Variants in KCTD16 observed in about 807,000 individuals in gnomAD.
KCTD16 encodes the protein BTB/POZ domain-containing protein KCTD16.
A neutral mutation model predicts 33.2 loss-of-function variants in KCTD16; 13 were observed. The ratio of observed to expected loss-of-function variants is 0.39; its 90% CI spans 0.25 to 0.62. The LOEUF is 0.62. KCTD16 is among the 20% of genes least tolerant of loss of function. KCTD16 has a pLI of 0.50. For synonymous variants in KCTD16, 197 were observed against 195.3 expected, an observed-to-expected ratio of 1.01 and a Z score of -0.07; for missense variants, 441 against 525.1, an observed-to-expected ratio of 0.84 and a Z score of 1.57.
intron 3 of KCTD16, among the ~76,000 whole-genome samples, chr5:144,342,911 G>A (rs1397899794): frequency 6.6e-6 from 1 of 152,182 alleles, no homozygotes; most frequent in Non-Finnish European, 1.5e-5. Context: ...AACCAGCCTT[G>A]CATCCCAGGG....
chr5:144,439,947 T>C (rs1186119243), intron 3 of KCTD16, among the ~76,000 whole-genome samples: 3 of 145,018 alleles, frequency 2.1e-5, no homozygotes, highest in Admixed American at 2.0e-4. Context: ...GTTTTCATAA[T>C]CTAAAAAAAA....
chr5:144,321,138 A>C (rs543190434), intron 3 of KCTD16, among the ~76,000 whole-genome samples: 63 of 152,322 alleles, frequency 4.1e-4, no homozygotes, highest in African/African-American at 1.3e-3. Flanking sequence ...TACAGGCATG[A>C]GCCACCATGC....
At position 144,420,910 on chromosome 5, in the gene KCTD16, C is replaced by T. The variant is rs147908665; in HGVS notation, c.833-52750C>T. Among the ~76,000 whole-genome samples, 868 of 152,256 alleles carry T rather than the reference C, an allele frequency of 5.7e-3. 3 individuals are homozygous for T. The highest frequency in any genetic ancestry group is 9.5e-3 in the Non-Finnish European group (647 of 68,008). Reference sequence around the variant, plus strand: ...GATTGCCCTCCGAATGTGAATTTCACGCTTGATGAAAGTCATCTCAAAGCC... The same window carrying T: ...GATTGCCCTCCGAATGTGAATTTCATGCTTGATGAAAGTCATCTCAAAGCC... On this transcript the variant is annotated intron_variant, in intron 3 of 3. Coordinates refer to ENST00000512467, the MANE Select transcript of KCTD16 (RefSeq NM_020768.4).
chr5:144,406,926 A>G (rs1462374652), intron 3 of KCTD16, among the ~76,000 whole-genome samples: 9 of 152,142 alleles, frequency 5.9e-5, no homozygotes, highest in Non-Finnish European at 1.5e-5. Context: ...TGGAGATCAA[A>G]ATTATCTTAT....
chr5:144,234,450 G>A (rs984118254), intron 3 of KCTD16, among the ~76,000 whole-genome samples: 1 of 152,140 alleles, frequency 6.6e-6, no homozygotes, highest in Non-Finnish European at 1.5e-5. Flanking sequence ...TTATTTAGGT[G>A]ATATCAGAGG....
intron 3 of KCTD16, among the ~76,000 whole-genome samples, chr5:144,331,956 C>G (rs1580878762): frequency 6.6e-6 from 1 of 152,126 alleles, no homozygotes; most frequent in South Asian, 2.1e-4. Flanking sequence ...ATAATTGTGA[C>G]CCTCTTGACC....
chr5:144,395,917 T>A (rs1161742166), intron 3 of KCTD16, among the ~76,000 whole-genome samples: 1 of 152,238 alleles, frequency 6.6e-6, no homozygotes, highest in Non-Finnish European at 1.5e-5. Flanking sequence ...TTCCTGTTTT[T>A]GTAAGTAGTT....
chr5:144,215,350 A>C (rs1330319765), intron 3 of KCTD16, among the ~76,000 whole-genome samples: 1 of 152,236 alleles, frequency 6.6e-6, no homozygotes, highest in African/African-American at 2.4e-5. Context: ...TCCCCAATAG[A>C]AAAAGAGCTC....
intron 3 of KCTD16, among the ~76,000 whole-genome samples, chr5:144,358,666 T>A (rs1382239340): frequency 6.6e-6 from 1 of 152,146 alleles, no homozygotes; most frequent in African/African-American, 2.4e-5. Context: ...GGCTTATAAA[T>A]GCATAAATTA....
chr5:144,391,367 A>G (rs962488861), intron 3 of KCTD16, among the ~76,000 whole-genome samples: 1 of 152,208 alleles, frequency 6.6e-6, no homozygotes, highest in African/African-American at 2.4e-5. Context: ...TGCCCGATCA[A>G]TTCCTTTGGG....
At chr5:144,254,124 CT>C (rs5871871) in intron 3 of KCTD16, among the ~76,000 whole-genome samples, 33,161 of 148,022 alleles carry the variant, frequency 0.22, 4,024 homozygotes, top group Non-Finnish European at 0.28. Flanking sequence ...AATGCATATT[CT>C]TTTTTTTTTT....
intron 3 of KCTD16, among the ~76,000 whole-genome samples, chr5:144,416,893 C>G (rs767765378): frequency 2.0e-5 from 3 of 152,048 alleles, no homozygotes; most frequent in Non-Finnish European, 4.4e-5. Context: ...GTGTGTGTGG[C>G]TTTTTTCCCC....
At chr5:144,383,647 T>C (rs1346260304) in intron 3 of KCTD16, among the ~76,000 whole-genome samples, 2 of 152,184 alleles carry the variant, frequency 1.3e-5, no homozygotes, top group Non-Finnish European at 1.5e-5. Flanking sequence ...ATTTTTTTTT[T>C]TCTTTTACAA....
intron 3 of KCTD16, among the ~76,000 whole-genome samples, chr5:144,466,555 TA>T (rs1754336604): frequency 6.6e-6 from 1 of 152,178 alleles, no homozygotes; most frequent in Admixed American, 6.5e-5. Context: ...CAGTCATGTT[TA>T]ATGTCAGTAT....
chr5:144,476,508 G>A lies in KCTD16; in HGVS notation c.*2394G>A, dbSNP rs1467343941. 3 of 152,134 alleles carry A rather than the reference G, an allele frequency of 2.0e-5. No individual in the cohort carries two copies. The highest frequency in any genetic ancestry group is 7.2e-5 in the African/African-American group (3 of 41,420). 9.4% of individuals were successfully genotyped at this position (152,134 alleles called of 1,614,324 possible). A position where few individuals can be genotyped will look rare whatever the true frequency, so the allele number is the denominator to read the frequency against. ...TGCTCTGACATTCCTTATACATCCA[G>A]TGAACAAAGCTGGAATAGAAAACCT... On this transcript the variant is annotated 3_prime_UTR_variant, in exon 4 of 4. Coordinates refer to ENST00000512467, the MANE Select transcript of KCTD16 (RefSeq NM_020768.4).
intron 2 of KCTD16, among the ~76,000 whole-genome samples, chr5:144,194,542 T>C (rs1244701840): frequency 1.3e-5 from 2 of 152,192 alleles, no homozygotes; most frequent in Non-Finnish European, 1.5e-5. Context: ...AAGGAGAGAA[T>C]TCATTTTTAA....
chr5:144,346,469 T>C (rs244528), intron 3 of KCTD16, among the ~76,000 whole-genome samples: 50,910 of 151,986 alleles, frequency 0.33, 9,221 homozygotes, highest in African/African-American at 0.47. Context: ...TTTACATTCC[T>C]ACCAACAGTG....
At chr5:144,434,187 A>G (rs934424512) in intron 3 of KCTD16, among the ~76,000 whole-genome samples, 1 of 152,110 alleles carries the variant, frequency 6.6e-6, no homozygotes, top group Non-Finnish European at 1.5e-5. Flanking sequence ...TTGTTCGGAC[A>G]TAATTAACCT....
Position 144,177,044 on chromosome 5 carries a change from G to A in KCTD16, c.-327+2572G>A, listed in dbSNP as rs1284504543. ...GCTTTAGTTTAATTAGGTCCCACTT[G>A]TCAATTTTTTGTTGTTGTTGTTGCA... On this transcript the variant is annotated intron_variant, in intron 2 of 3. Transcript: ENST00000512467. Among the ~76,000 whole-genome samples the A allele has an allele frequency of 3.9e-5, 6 of 152,182 alleles. No homozygotes were observed. The East Asian group carries it at 1.2e-3, about 29-fold the overall frequency.
Sources: allele counts gnomAD v4.1 joint callset (sites outside exome capture counted in the v4.1 genomes callset), GRCh38; gene constraint gnomAD v4.1.1; transcripts MANE v1.5; gene names NCBI Gene and HGNC (gene_info 2026-07-23, HGNC 2026-07-21).